ABCB7: variants seen among roughly 807,000 people sequenced by gnomAD.
The protein encoded by ABCB7 is ATP binding cassette subfamily B member 7, also known as iron-sulfur clusters transporter ABCB7, mitochondrial.
In ABCB7, 7 loss-of-function variants were observed where a neutral mutation model predicts 54.4. The observed-to-expected ratio is 0.13, with a 90% CI of 0.07 to 0.24. The LOEUF (loss-of-function observed/expected upper bound fraction) is 0.24. ABCB7 is among the 10% of genes least tolerant of loss of function. The pLI, the probability that ABCB7 is intolerant of heterozygous loss-of-function variation, is 1.00. For synonymous variants in ABCB7, 218 were observed against 207.1 expected (o/e 1.05, Z -0.45); for missense variants, 356 against 570.4 (o/e 0.62, Z 3.83).
At chrX:75,061,666 C>G (rs2081283017) in intron 14 of ABCB7, among the ~76,000 whole-genome samples, 1 of 111,866 alleles carries the variant, frequency 8.9e-6, no homozygotes, top group Admixed American at 9.5e-5. Context: ...TTGACAAATG[C>G]ATCTGCCTAT....
intron 1 of ABCB7, among the ~76,000 whole-genome samples, chrX:75,130,995 T>C (rs1295245844): frequency 9.4e-6 from 1 of 106,473 alleles, no homozygotes; most frequent in Non-Finnish European, 1.9e-5. Context: ...GTCCACAGAG[T>C]GCCAAGAGAA....
chrX:75,100,322 T>A (rs1266850330), intron 3 of ABCB7, among the ~76,000 whole-genome samples: 2 of 110,672 alleles, frequency 1.8e-5, no homozygotes, highest in African/African-American at 6.6e-5. Context: ...TATCCTATCA[T>A]TCTTGGGATA....
intron 1 of ABCB7, among the ~76,000 whole-genome samples, chrX:75,137,733 T>C (rs1194349127): frequency 8.9e-6 from 1 of 112,055 alleles, no homozygotes; most frequent in Non-Finnish European, 1.9e-5. Flanking sequence ...TGCAGCAACA[T>C]GGAGCTGGAG....
At chrX:75,060,137 A>C (rs1490111268) in intron 15 of ABCB7, 86 bp downstream of exon 15, 1 of 795,777 alleles carries the variant, frequency 1.3e-6, no homozygotes, top group Non-Finnish European at 1.9e-6. Flanking sequence ...CAACCAAATA[A>C]TGTAAGAAAC....
At chrX:75,144,465 G>A (rs1466238408) in intron 1 of ABCB7, among the ~76,000 whole-genome samples, 2 of 111,482 alleles carry the variant, frequency 1.8e-5, no homozygotes, top group Non-Finnish European at 3.8e-5. Context: ...TCAATAGGGA[G>A]CCTTTTTTCT....
At chrX:75,079,762 T>G (rs1401896367) in intron 4 of ABCB7, among the ~76,000 whole-genome samples, 2 of 111,551 alleles carry the variant, frequency 1.8e-5, no homozygotes, top group Non-Finnish European at 3.8e-5. Context: ...CTATGCAATT[T>G]TACCGCACGT....
At chrX:75,059,261 T>C (rs1372015780) in intron 15 of ABCB7, among the ~76,000 whole-genome samples, 2 of 110,602 alleles carry the variant, frequency 1.8e-5, no homozygotes, top group African/African-American at 6.6e-5. Flanking sequence ...GCGGATCACC[T>C]GAGCTCAGGA....
chrX:75,099,032 T>G lies in ABCB7; in HGVS notation c.363A>C (p.Ile121=). ...GLKDVDTRKI[I]KAMLSYVWPK... Reference sequence around the variant, plus strand: ...GCCACACATAAGAAAGCATTGCTTTTATGATTTTCCGAGTATCAACATCTT... The same window carrying G: ...GCCACACATAAGAAAGCATTGCTTTGATGATTTTCCGAGTATCAACATCTT... The change falls in exon 4 of 16, where the codon ATA becomes ATC. Residue 121 remains isoleucine (I), a synonymous_variant. Transcript: ENST00000373394. 2.5e-6 allele frequency: 3 copies of G among 1,210,743 alleles called. No individual in the cohort carries two copies. Among genetic ancestry groups the G allele is most frequent in the Non-Finnish European group, 3.4e-6 (3 of 894,571 alleles).
intron 1 of ABCB7, among the ~76,000 whole-genome samples, chrX:75,153,062 T>TTTG (rs758630764): frequency 9.1e-6 from 1 of 109,612 alleles, no homozygotes; most frequent in African/African-American, 3.3e-5. Flanking sequence ...AAGTTCTGTT[T>TTTG]TTGTTGTTGT....
intron 1 of ABCB7, among the ~76,000 whole-genome samples, chrX:75,133,688 AAAG>A (rs1040219841): frequency 1.8e-5 from 2 of 112,361 alleles, no homozygotes; most frequent in African/African-American, 6.5e-5. Flanking sequence ...CAGCATCTTT[AAAG>A]AAAAGAAATT....
At chrX:75,121,288 CAAA>C (rs34049274) in intron 1 of ABCB7, among the ~76,000 whole-genome samples, 1 of 39,063 alleles carries the variant, frequency 2.6e-5, no homozygotes, top group Non-Finnish European at 5.2e-5. Flanking sequence ...GACTCTGTCT[CAAA>C]AAAAAAAAAA....
chrX:75,139,820 T>C (rs1322981438), intron 1 of ABCB7, among the ~76,000 whole-genome samples: 1 of 112,044 alleles, frequency 8.9e-6, no homozygotes, highest in Non-Finnish European at 1.9e-5. Flanking sequence ...AATCTGTAAG[T>C]GTATAATCAT....
intron 13 of ABCB7, among the ~76,000 whole-genome samples, chrX:75,064,026 A>C (rs766746777): frequency 9.0e-6 from 1 of 111,358 alleles, no homozygotes; most frequent in Non-Finnish European, 1.9e-5. Flanking sequence ...GGGCCAGATA[A>C]CTGGAAATTA....
At chrX:75,134,133 G>A (rs1441186896) in intron 1 of ABCB7, among the ~76,000 whole-genome samples, 10 of 111,687 alleles carry the variant, frequency 9.0e-5, no homozygotes, top group Non-Finnish European at 1.5e-4. Context: ...TAAAGGGATG[G>A]AGAAAGATGA....
rs374020085 is a variant in ABCB7 at position 75,156,076 on chromosome X, C to T, written c.168+29G>A. 7.5e-6 allele frequency: 9 copies of T among 1,206,434 alleles called. No individual in the cohort carries two copies. The African/African-American group carries it at 1.4e-4, about 19-fold the overall frequency. On this transcript the variant is annotated intron_variant, in intron 1 of 15. Transcript: ENST00000373394. ...CCCTACAGGTCCCCTTGCCCTTCAC[C>T]CTATTCTTCCATGTCAGTGGCATCT...
chrX:75,156,060 TC>T, intron 1 of ABCB7, 44 bp downstream of exon 1: 1 of 1,198,670 alleles, frequency 8.3e-7, no homozygotes, highest in Non-Finnish European at 1.1e-6. Context: ...TCCCTACAGG[TC>T]CCCTTGCCCT....
chrX:75,097,276 A>G (rs1284245299), intron 4 of ABCB7, among the ~76,000 whole-genome samples: 1 of 111,194 alleles, frequency 9.0e-6, no homozygotes, highest in East Asian at 2.8e-4. Context: ...CTCTCTCACA[A>G]CTAGGCCATT....
In ABCB7 at chrX:75,075,649, G is replaced by A. The variant is rs1243524104; in HGVS notation, c.587-19C>T. ...ACACCATCTAACAATACATTCAAAAGAAAAAATAGGATGTAACAATATTAG... is the reference window on the plus strand; with the variant it reads ...ACACCATCTAACAATACATTCAAAAAAAAAAATAGGATGTAACAATATTAG... On this transcript the variant is annotated intron_variant, in intron 5 of 15. Transcript: ENST00000373394. 1.7e-6 allele frequency: 2 copies of A among 1,184,883 alleles called. No homozygotes were observed. The highest frequency in any genetic ancestry group is 2.2e-5 in the Admixed American group (1 of 44,643).
chrX:75,099,176 C>T (rs1391551072), intron 3 of ABCB7, 115 bp from the exon 4 acceptor site: 1 of 845,758 alleles, frequency 1.2e-6, no homozygotes, highest in Admixed American at 3.1e-5. Context: ...ACAAATATAA[C>T]TTTTATTCTG....
Sources: allele counts gnomAD v4.1 joint callset (sites outside exome capture counted in the v4.1 genomes callset), GRCh38; gene constraint gnomAD v4.1.1; transcripts MANE v1.5; gene names NCBI Gene and HGNC (gene_info 2026-07-23, HGNC 2026-07-21).